Variants in PSCA observed in about 807,000 individuals in gnomAD.
PSCA encodes the protein prostate stem cell antigen.
In PSCA, 7 loss-of-function variants were observed where a neutral mutation model predicts 7.9. The ratio of observed to expected loss-of-function variants is 0.89; its 90% CI spans 0.51 to 1.67. PSCA has a LOEUF of 1.67. PSCA is among the 40% of genes most tolerant of loss of function. The pLI is 0.00. For missense variants in PSCA, 151 were observed against 147.9 expected, an observed-to-expected ratio of 1.02 and a Z score of -0.11; for synonymous variants, 61 against 68.3, an observed-to-expected ratio of 0.89 and a Z score of 0.53.
intron 1 of PSCA, chr8:142,680,769 G>C: frequency 1.5e-6 from 1 of 648,538 alleles, no homozygotes; most frequent in Non-Finnish European, 2.7e-6. Flanking sequence ...CCCTGTGACC[G>C]GGGCTTGCAG....
At position 142,672,367 on chromosome 8, in the gene PSCA, G is replaced by A. The variant is rs587705592; in HGVS notation, n.261+1799G>A. Among the ~76,000 whole-genome samples, 12 of 152,156 alleles carry A rather than the reference G, an allele frequency of 7.9e-5. No individual in the cohort carries two copies. The Middle Eastern group carries it at 0.014, about 173-fold the overall frequency. ...GCTATCAACTGCTGCATCAAAAACC[G>A]CCCAAAACTTAGCAGCTTGAAACCA... On this transcript the variant is annotated intron_variant and non_coding_transcript_variant, in intron 1 of 1. Transcript: ENST00000505305.
intron 1 of PSCA, 163 bp from the exon 2 acceptor site, chr8:142,681,164 C>G (rs1053540727): frequency 3.4e-6 from 2 of 591,870 alleles, no homozygotes; most frequent in Middle Eastern, 4.5e-4. Flanking sequence ...TTCGGAGGCA[C>G]TGAGCAGGGG....
At chr8:142,679,585 A>G (rs182473873), upstream of PSCA, among the ~76,000 whole-genome samples, 16 of 152,344 alleles carry the variant, frequency 1.1e-4, no homozygotes, top group East Asian at 2.7e-3. Context: ...TCAATCAAAT[A>G]TATTGAAGAT....
At chr8:142,677,717 G>A (rs189822403), upstream of PSCA, among the ~76,000 whole-genome samples, 155 of 152,240 alleles carry the variant, frequency 1.0e-3, 1 homozygote, top group African/African-American at 3.4e-3. Flanking sequence ...TGGGCTGGAG[G>A]GCGTGTCCAG....
At position 142,682,493 on chromosome 8, in the gene PSCA, C is replaced by A. The variant is rs587602103; in HGVS notation, c.*361C>A. 2 of 541,080 alleles carry A rather than the reference C, an allele frequency of 3.7e-6. No homozygotes were observed. Among genetic ancestry groups the A allele is most frequent in the Non-Finnish European group, 7.1e-6 (2 of 281,764 alleles). 33.5% of individuals were successfully genotyped at this position (541,080 alleles called of 1,614,324 possible). On this transcript the variant is annotated 3_prime_UTR_variant, in exon 3 of 3. Transcript: ENST00000301258. Reference sequence around the variant, plus strand: ...TCTATGACTTGAGCCAGGTCTGGTCCGTGGTGTCCCCCGCACCCAGCAGGG... The same window carrying A: ...TCTATGACTTGAGCCAGGTCTGGTCAGTGGTGTCCCCCGCACCCAGCAGGG...
rs781965438 is a variant in PSCA, at chr8:142,682,009, C to T, written c.222C>T (p.Asn74=). The T allele has an allele frequency of 5.7e-5, 92 of 1,613,018 alleles. No homozygotes were observed. The highest frequency in any genetic ancestry group is 7.6e-5 in the Non-Finnish European group (90 of 1,179,710). The change falls in exon 3 of 3, where the codon AAC becomes AAT. Residue 74 remains asparagine, a synonymous_variant. Coordinates refer to ENST00000301258, the MANE Select transcript of PSCA (RefSeq NM_005672.5). ...AGGACTACTACGTGGGCAAGAAGAACATCACGTGCTGTGACACCGACTTGT... is the reference window on the plus strand; with the variant it reads ...AGGACTACTACGTGGGCAAGAAGAATATCACGTGCTGTGACACCGACTTGT... ...DSQDYYVGKK[N]ITCCDTDLCN...
chr8:142,677,838 C>T (rs1035413509), upstream of PSCA, among the ~76,000 whole-genome samples: 1 of 152,162 alleles, frequency 6.6e-6, no homozygotes, highest in Non-Finnish European at 1.5e-5. Context: ...AGGCTCCTCA[C>T]TTGCCAGAGA....
At chr8:142,674,518 T>C (rs1227831154) in intron 1 of PSCA, among the ~76,000 whole-genome samples, 1 of 152,268 alleles carries the variant, frequency 6.6e-6, no homozygotes, top group Non-Finnish European at 1.5e-5. Flanking sequence ...GGCTGAGTTT[T>C]GGAAAAGGGC....
intron 1 of PSCA, among the ~76,000 whole-genome samples, chr8:142,671,666 C>T (rs1178701902): frequency 6.6e-6 from 1 of 152,184 alleles, no homozygotes; most frequent in Non-Finnish European, 1.5e-5. Context: ...ATCCTCCTGC[C>T]TCAACCCCCA....
upstream of PSCA, among the ~76,000 whole-genome samples, chr8:142,679,705 A>C (rs1441643461): frequency 6.6e-6 from 1 of 152,204 alleles, no homozygotes; most frequent in Non-Finnish European, 1.5e-5. Flanking sequence ...TTATCAATAG[A>C]AAGGAATGTC....
upstream of PSCA, chr8:142,680,300 CTGGG>C (rs1847446258): frequency 1.8e-5 from 10 of 568,230 alleles, no homozygotes; most frequent in Admixed American, 3.0e-5. Context: ...AGATATGGCC[CTGGG>C]TAGGCTCTGT....
Position 142,673,443 on chromosome 8 carries a change from A to G in PSCA, n.261+2875A>G, listed in dbSNP as rs1224797607. Among the ~76,000 whole-genome samples, 2 of 152,184 alleles carry G rather than the reference A, an allele frequency of 1.3e-5. No individual in the cohort carries two copies. The highest frequency in any genetic ancestry group is 2.9e-5 in the Non-Finnish European group (2 of 68,040). Reference sequence around the variant, plus strand: ...TGACACTGGGAGGGGTCAGAAAGAGAGGAAGAAAATACACTAGCGTGTAAT... The same window carrying G: ...TGACACTGGGAGGGGTCAGAAAGAGGGGAAGAAAATACACTAGCGTGTAAT... On this transcript the variant is annotated intron_variant and non_coding_transcript_variant, in intron 1 of 1. Transcript: ENST00000505305. The surrounding 1 kb of genome is among the most constrained non-coding windows in gnomAD (Gnocchi z 4.6).
chr8:142,680,260 G>A, upstream of PSCA: 1 of 514,766 alleles, frequency 1.9e-6, no homozygotes, highest in Non-Finnish European at 3.5e-6. Context: ...GGGTCTTGAG[G>A]ACGTTTCAGC....
At chr8:142,680,397 G>A (rs368058434), upstream of PSCA, 7 of 948,286 alleles carry the variant, frequency 7.4e-6, no homozygotes, top group Non-Finnish European at 4.9e-6. Context: ...CAGCCCCGGG[G>A]CCCTCACTGG....
Position 142,680,503 on chromosome 8 carries a change from C to T in PSCA, c.-36C>T. On this transcript the variant is annotated 5_prime_UTR_variant, in exon 1 of 3. Transcript: ENST00000301258. ...CTGAGGCCCTCTCCACCACAGCCCA[C>T]CAGTGACCACGAAGGCTGTGCTGCT... 6.4e-7 allele frequency: 1 copy of T among 1,552,546 alleles called. No individual in the cohort carries two copies. The highest frequency in any genetic ancestry group is 8.7e-7 in the Non-Finnish European group (1 of 1,147,458).
chr8:142,680,924 G>GT, intron 1 of PSCA: 1 of 482,240 alleles, frequency 2.1e-6, no homozygotes, highest in Non-Finnish European at 3.8e-6. Flanking sequence ...CTAAGAAGTG[G>GT]TTTTTGGGGC....
intron 1 of PSCA, among the ~76,000 whole-genome samples, chr8:142,671,974 G>C (rs1370047308): frequency 1.3e-5 from 2 of 152,094 alleles, no homozygotes; most frequent in Admixed American, 1.3e-4. Flanking sequence ...CACTCCCTGG[G>C]TGATCTCCTC....
chr8:142,681,652 C>T, intron 2 of PSCA: 1 of 617,238 alleles, frequency 1.6e-6, no homozygotes. Flanking sequence ...CTCCATCTTC[C>T]ACTCCTCCAC....
In PSCA at chr8:142,673,407, C is replaced by A. The variant is rs587747020; in HGVS notation, n.261+2839C>A. 2.0e-5 allele frequency among the ~76,000 whole-genome samples: 3 copies of A among 152,072 alleles called. No individual in the cohort carries two copies. Among genetic ancestry groups the A allele is most frequent in the Non-Finnish European group, 4.4e-5 (3 of 68,008 alleles). ...GAACCTTGGGCCTCTTCTCGAGGAC[C>A]AAGTCCATTCTGACACTGGGAGGGG... is the stretch of plus-strand genomic sequence containing the variant. On this transcript the variant is annotated intron_variant and non_coding_transcript_variant, in intron 1 of 1. Coordinates refer to the PSCA transcript ENST00000505305. The surrounding 1 kb of genome is among the most constrained non-coding windows in gnomAD (Gnocchi z 4.6).
Sources: allele counts gnomAD v4.1 joint callset (sites outside exome capture counted in the v4.1 genomes callset), GRCh38; gene constraint gnomAD v4.1.1; non-coding constraint Gnocchi (gnomAD v3.1); transcripts MANE v1.5; gene names NCBI Gene and HGNC (gene_info 2026-07-23, HGNC 2026-07-21).